Variants in RSF1 observed in about 807,000 individuals in gnomAD.
RSF1 encodes the protein remodeling and spacing factor 1.
In RSF1, 13 loss-of-function variants were observed where a neutral mutation model predicts 145.2. The observed-to-expected ratio is 0.09, with a 90% confidence interval of 0.06 to 0.14. RSF1 has a LOEUF of 0.14. Among genes scored for constraint, RSF1 ranks in the 10% least tolerant of loss-of-function variants. The pLI is 1.00. For synonymous variants in RSF1, 577 were observed against 592.6 expected (o/e 0.97, Z 0.38); for missense variants, 1,517 against 1,718.2 (o/e 0.88, Z 2.07).
intron 2 of RSF1, among the ~76,000 whole-genome samples, chr11:77,755,670 C>G (rs1013376015): frequency 6.6e-6 from 1 of 152,018 alleles, no homozygotes; most frequent in Non-Finnish European, 1.5e-5. Flanking sequence ...ACCTCTGCCC[C>G]CCAGGTTCAA....
At chr11:77,758,373 G>T (rs923181937) in intron 2 of RSF1, among the ~76,000 whole-genome samples, 2 of 152,096 alleles carry the variant, frequency 1.3e-5, no homozygotes, top group African/African-American at 4.8e-5. Context: ...AACACAGGTT[G>T]TTTCTACCTT....
At chr11:77,803,967 C>G (rs1370082926) in intron 1 of RSF1, among the ~76,000 whole-genome samples, 2 of 152,252 alleles carry the variant, frequency 1.3e-5, no homozygotes. Flanking sequence ...TGTAGTCCCC[C>G]CTACTTGGCA....
intron 1 of RSF1, among the ~76,000 whole-genome samples, chr11:77,795,543 T>C (rs1178005063): frequency 1.3e-5 from 2 of 152,044 alleles, no homozygotes; most frequent in Non-Finnish European, 2.9e-5. Flanking sequence ...TGAAACAGAA[T>C]AGAGAACTCA....
At chr11:77,737,124 T>C (rs916428443) in intron 4 of RSF1, among the ~76,000 whole-genome samples, 3 of 152,164 alleles carry the variant, frequency 2.0e-5, no homozygotes, top group Non-Finnish European at 4.4e-5. Flanking sequence ...CCTGGCACCA[T>C]TTTCTAAAGA....
intron 6 of RSF1, among the ~76,000 whole-genome samples, chr11:77,700,116 G>A (rs1414157148): frequency 6.6e-6 from 1 of 152,080 alleles, no homozygotes; most frequent in Non-Finnish European, 1.5e-5. Context: ...ACTTTGGGAG[G>A]CCGAGGTGGA....
At chr11:77,820,940 T>C (rs531884948), upstream of RSF1, 2 of 555,668 alleles carry the variant, frequency 3.6e-6, no homozygotes, top group Admixed American at 3.6e-5. Flanking sequence ...GCCTTTCACT[T>C]TCCGCCCTCT....
At chr11:77,741,738 A>G (rs1947941532) in intron 3 of RSF1, among the ~76,000 whole-genome samples, 1 of 152,076 alleles carries the variant, frequency 6.6e-6, no homozygotes, top group South Asian at 2.1e-4. Flanking sequence ...GCAATTTTCA[A>G]ATATATTATA....
At chr11:77,806,226 GA>G (rs777439215) in intron 1 of RSF1, among the ~76,000 whole-genome samples, 31 of 140,212 alleles carry the variant, frequency 2.2e-4, no homozygotes, top group East Asian at 6.1e-4. Context: ...GGGGCTCTTA[GA>G]AAAAAAAAAA....
At chr11:77,798,636 C>T (rs1948597108) in intron 1 of RSF1, among the ~76,000 whole-genome samples, 1 of 86,706 alleles carries the variant, frequency 1.2e-5, no homozygotes, top group Non-Finnish European at 2.3e-5. Context: ...ACATATACAC[C>T]ATGGAATACT....
intron 1 of RSF1, among the ~76,000 whole-genome samples, chr11:77,803,498 G>C (rs1428964853): frequency 1.3e-5 from 2 of 151,044 alleles, no homozygotes; most frequent in African/African-American, 4.9e-5. Context: ...TGTTATGTTG[G>C]CTGGGCATAG....
intron 1 of RSF1, among the ~76,000 whole-genome samples, chr11:77,807,455 T>C (rs971805222): frequency 6.6e-6 from 1 of 152,168 alleles, no homozygotes; most frequent in Admixed American, 6.5e-5. Context: ...GATACAAATA[T>C]CTGCTGTCTA....
At chr11:77,869,681 T>C in the RSF1 span, 10 of 1,567,446 alleles carry the variant, frequency 6.4e-6, no homozygotes, top group East Asian at 2.2e-5. Context: ...CAATGAAAGA[T>C]TGAGAGCAGG....
At chr11:77,708,651 G>T (rs1483706263) in intron 5 of RSF1, among the ~76,000 whole-genome samples, 1 of 152,116 alleles carries the variant, frequency 6.6e-6, no homozygotes, top group Non-Finnish European at 1.5e-5. Flanking sequence ...TATTGCAAGA[G>T]AACTAATTAT....
In RSF1 at chr11:77,663,379, A is replaced by G. The variant is rs948996061; in HGVS notation, c.*3538T>C. The G allele has an allele frequency of 1.8e-4, 28 of 152,180 alleles. No individual in the cohort carries two copies. Among genetic ancestry groups the G allele is most frequent in the African/African-American group, 5.5e-4 (23 of 41,446 alleles). 9.4% of individuals were successfully genotyped at this position (152,180 alleles called of 1,614,324 possible). On this transcript the variant is annotated 3_prime_UTR_variant, in exon 16 of 16. Transcript: ENST00000308488. ...TAATATGTGTACTTTGCTCAAATGT[A>G]TATTATAGGATGGGTTTCATCAACT...
At chr11:77,854,680 C>T in the RSF1 span, among the ~76,000 whole-genome samples, 1 of 152,154 alleles carries the variant, frequency 6.6e-6, no homozygotes, top group Non-Finnish European at 1.5e-5. Flanking sequence ...CGTGGGCTGG[C>T]ATTGAGTGCC....
At chr11:77,694,834 C>G (rs1013604004) in intron 7 of RSF1, among the ~76,000 whole-genome samples, 1 of 152,106 alleles carries the variant, frequency 6.6e-6, no homozygotes, top group Admixed American at 6.5e-5. Context: ...TTTGTCTTCC[C>G]TGACCGACAG....
chr11:77,798,971 A>G (rs1948600621), intron 1 of RSF1, among the ~76,000 whole-genome samples: 1 of 151,862 alleles, frequency 6.6e-6, no homozygotes, highest in African/African-American at 2.4e-5. Flanking sequence ...AATTAAAAAA[A>G]AAAAAGAAAA....
Position 77,701,275 on chromosome 11 carries a change from T to C in RSF1, c.1954A>G (p.Ser652Gly), listed in dbSNP as rs1254717073. 6.2e-7 allele frequency: 1 copy of C among 1,614,156 alleles called. No homozygotes were observed. Among genetic ancestry groups the C allele is most frequent in the South Asian group, 1.1e-5 (1 of 91,078 alleles). Residue 652 changes from serine (S) to glycine (G), a missense_variant, in exon 6 of 16, where the codon AGT becomes GGT. Ser to Gly is a moderately conservative substitution (Grantham distance 56). Transcript: ENST00000308488. ...ASEKEVVECQ[S>G]TSTVGGQSVK... ...GACTGGCCACCAACAGTACTTGTAC[T>C]CTGGCATTCTACCACTTCTTTTTCT...
At chr11:77,810,763 T>A (rs1475527131) in intron 1 of RSF1, among the ~76,000 whole-genome samples, 1 of 152,186 alleles carries the variant, frequency 6.6e-6, no homozygotes, top group African/African-American at 2.4e-5. Context: ...TTCACCATGT[T>A]GGCGAGGCTG....
Sources: allele counts gnomAD v4.1 joint callset (sites outside exome capture counted in the v4.1 genomes callset), GRCh38; gene constraint gnomAD v4.1.1; transcripts MANE v1.5; gene names NCBI Gene and HGNC (gene_info 2026-07-23, HGNC 2026-07-21).